Variants in TAMM41 observed in about 807,000 individuals in gnomAD.
TAMM41 encodes the protein phosphatidate cytidylyltransferase, mitochondrial.
TAMM41 carries 36 observed loss-of-function variants against 44.1 expected under a neutral mutation model. The ratio of observed to expected loss-of-function variants is 0.82; its 90% CI spans 0.63 to 1.08. The LOEUF (loss-of-function observed/expected upper bound fraction) is 1.08. Among genes scored for constraint, TAMM41 ranks in the 50% least tolerant of loss-of-function variants. The pLI is 0.00. For synonymous variants in TAMM41, 164 were observed against 153.1 expected (o/e 1.07, Z -0.53); for missense variants, 417 against 404.3 (o/e 1.03, Z -0.27).
At chr3:11,770,571 T>G in the TAMM41 span, among the ~76,000 whole-genome samples, 1 of 152,212 alleles carries the variant, frequency 6.6e-6, no homozygotes, top group South Asian at 2.1e-4. Context: ...TACGATTCTG[T>G]CAACTCAGGG....
chr3:11,773,528 G>A, the TAMM41 span, among the ~76,000 whole-genome samples: 5 of 150,594 alleles, frequency 3.3e-5, no homozygotes, highest in African/African-American at 9.8e-5. Flanking sequence ...GCCCCACCCC[G>A]ACATTTTCTT....
downstream of TAMM41, among the ~76,000 whole-genome samples, chr3:11,785,622 C>T (rs113642671): frequency 0.018 from 2,746 of 151,822 alleles, 87 homozygotes; most frequent in African/African-American, 0.062. Flanking sequence ...CCGTGCCCAG[C>T]CTGTTTTTTT....
At chr3:11,808,096 C>A (rs1231139978) in intron 6 of TAMM41, 11 of 1,137,430 alleles carry the variant, frequency 9.7e-6, no homozygotes. Context: ...AGCCGTGGCG[C>A]CACCCGGCTG....
chr3:11,741,887 C>T, the TAMM41 span, among the ~76,000 whole-genome samples: 1 of 149,958 alleles, frequency 6.7e-6, no homozygotes, highest in Non-Finnish European at 1.5e-5. Context: ...ACCCAGATGG[C>T]TGCTAGATGG....
intron 7 of TAMM41, among the ~76,000 whole-genome samples, chr3:11,793,226 G>A (rs140626142): frequency 4.0e-4 from 61 of 152,164 alleles, no homozygotes; most frequent in African/African-American, 1.4e-3. Flanking sequence ...TAGAATAGAC[G>A]CTTCACAAAA....
chr3:11,757,702 G>A, the TAMM41 span, among the ~76,000 whole-genome samples: 2 of 152,198 alleles, frequency 1.3e-5, no homozygotes, highest in Non-Finnish European at 2.9e-5. Flanking sequence ...TTATCCTGGT[G>A]CTTTAATCTT....
At chr3:11,788,977 A>G (rs534276622), downstream of TAMM41, among the ~76,000 whole-genome samples, 412 of 152,192 alleles carry the variant, frequency 2.7e-3, 2 homozygotes, top group African/African-American at 9.6e-3. Flanking sequence ...AGAAAGAAAG[A>G]AAAAGAAAAA....
At chr3:11,764,734 CGCCT>C in the TAMM41 span, among the ~76,000 whole-genome samples, 2 of 151,856 alleles carry the variant, frequency 1.3e-5, no homozygotes, top group African/African-American at 4.8e-5. Context: ...CCTTGTGATC[CGCCT>C]GCCTCGGTCT....
chr3:11,726,800 C>CAAAAAAAA, the TAMM41 span, among the ~76,000 whole-genome samples: 1 of 93,058 alleles, frequency 1.1e-5, no homozygotes, highest in African/African-American at 3.5e-5. Context: ...GACTCTGTCT[C>CAAAAAAAA]AAAAAAAAAA....
the TAMM41 span, among the ~76,000 whole-genome samples, chr3:11,741,966 C>T: frequency 4.0e-5 from 6 of 150,182 alleles, no homozygotes; most frequent in Admixed American, 3.3e-4. Context: ...CTGAGCAGAA[C>T]GGCACAAAAT....
the TAMM41 span, among the ~76,000 whole-genome samples, chr3:11,771,058 T>C: frequency 6.6e-6 from 1 of 151,710 alleles, no homozygotes; most frequent in African/African-American, 2.4e-5. Flanking sequence ...AGGACCCAGG[T>C]CCCTCCCTGC....
chr3:11,754,708 C>CTCTCTTT, the TAMM41 span, among the ~76,000 whole-genome samples: 179 of 103,560 alleles, frequency 1.7e-3, 1 homozygote, highest in African/African-American at 4.1e-3. Context: ...TCTCAGATCT[C>CTCTCTTT]TTTTTTTTTT....
At chr3:11,740,289 C>T in the TAMM41 span, among the ~76,000 whole-genome samples, 1 of 152,120 alleles carries the variant, frequency 6.6e-6, no homozygotes, top group Non-Finnish European at 1.5e-5. Flanking sequence ...TGTTTTCTGG[C>T]TTCTCACTGC....
chr3:11,747,433 T>C, the TAMM41 span, among the ~76,000 whole-genome samples: 2 of 152,116 alleles, frequency 1.3e-5, no homozygotes, highest in East Asian at 1.9e-4. Flanking sequence ...GCATATGTGA[T>C]TGTCAAAAGC....
the TAMM41 span, among the ~76,000 whole-genome samples, chr3:11,725,365 T>C: frequency 9.0e-3 from 1,222 of 136,248 alleles, 11 homozygotes; most frequent in Non-Finnish European, 0.014. Context: ...TTTTTCTTCT[T>C]CTCCTCCTCC....
chr3:11,755,035 G>A, the TAMM41 span, among the ~76,000 whole-genome samples: 2 of 151,972 alleles, frequency 1.3e-5, no homozygotes, highest in Admixed American at 1.3e-4. Flanking sequence ...CTTCCTTCTA[G>A]GATTCTGAAC....
chr3:11,768,875 G>T, the TAMM41 span, among the ~76,000 whole-genome samples: 2 of 152,206 alleles, frequency 1.3e-5, no homozygotes, highest in African/African-American at 4.8e-5. Flanking sequence ...AGGTAATTCT[G>T]CTAGGCACCT....
the TAMM41 span, among the ~76,000 whole-genome samples, chr3:11,732,524 A>C: frequency 6.6e-6 from 1 of 152,224 alleles, no homozygotes; most frequent in Non-Finnish European, 1.5e-5. Context: ...AAGTCATGTA[A>C]GTTAACATAA....
At chr3:11,843,238 C>T (rs1474604852) in intron 2 of TAMM41, among the ~76,000 whole-genome samples, 1 of 152,224 alleles carries the variant, frequency 6.6e-6, no homozygotes, top group East Asian at 1.9e-4. Context: ...ATTCCTCCCA[C>T]TGACCAGACC....
Sources: gnomAD v4.1 joint callset for allele counts (sites outside exome capture counted in the v4.1 genomes callset) on GRCh38, gnomAD v4.1.1 for gene constraint, MANE v1.5 for transcripts, NCBI Gene and HGNC (gene_info 2026-07-23, HGNC 2026-07-21) for gene names.